Variants in DCDC1 observed in about 807,000 individuals in gnomAD.
DCDC1 encodes the protein doublecortin domain containing 1, also known as doublecortin domain-containing protein 1.
In DCDC1, 200 loss-of-function variants were observed where a neutral mutation model predicts 178.3. The observed-to-expected ratio is 1.12, with a 90% CI of 1.00 to 1.26. The LOEUF is 1.26. Among genes scored for constraint, DCDC1 ranks in the 50% most tolerant of loss-of-function variants. DCDC1 has a pLI of 0.00. For missense variants in DCDC1, 1,983 were observed against 1,749.2 expected, an observed-to-expected ratio of 1.13 and a Z score of -2.38; for synonymous variants, 690 against 604.8, an observed-to-expected ratio of 1.14 and a Z score of -2.07.
chr11:30,956,435 T>C (rs1948779477), intron 20 of DCDC1, among the ~76,000 whole-genome samples: 1 of 152,206 alleles, frequency 6.6e-6, no homozygotes, highest in African/African-American at 2.4e-5. Context: ...TTCACTATTT[T>C]GGAAAAATCA....
intron 35 of DCDC1, 145 bp downstream of exon 35, chr11:30,894,103 T>C: frequency 8.6e-7 from 1 of 1,156,522 alleles, no homozygotes; most frequent in Non-Finnish European, 1.1e-6. Context: ...AAATGCCAAC[T>C]CAATGCTTGG....
intron 20 of DCDC1, among the ~76,000 whole-genome samples, chr11:30,998,340 C>T (rs897514617): frequency 6.6e-6 from 1 of 151,856 alleles, no homozygotes; most frequent in Admixed American, 6.6e-5. Context: ...AAGTATGGTG[C>T]CTGTTGAAAA....
chr11:31,350,324 A>T, intron 1 of DCDC1, among the ~76,000 whole-genome samples: 1 of 152,072 alleles, frequency 6.6e-6, no homozygotes, highest in East Asian at 1.9e-4. Flanking sequence ...ATATCAAGGG[A>T]TCATCAGGGA....
intron 18 of DCDC1, among the ~76,000 whole-genome samples, chr11:31,070,347 A>C (rs1047524549): frequency 6.6e-6 from 1 of 152,056 alleles, no homozygotes; most frequent in Non-Finnish European, 1.5e-5. Flanking sequence ...CTTCAACTTC[A>C]CCAGTGCATC....
intron 9 of DCDC1, among the ~76,000 whole-genome samples, chr11:31,229,374 G>T (rs1975456878): frequency 6.6e-6 from 1 of 151,962 alleles, no homozygotes; most frequent in Non-Finnish European, 1.5e-5. Flanking sequence ...ATCAATTCAA[G>T]TAACATATAT....
chr11:31,281,473 T>C (rs1946426333), intron 7 of DCDC1, among the ~76,000 whole-genome samples: 1 of 152,126 alleles, frequency 6.6e-6, no homozygotes, highest in African/African-American at 2.4e-5. Context: ...TAAGTGAATA[T>C]TAAATTTTGT....
chr11:31,345,649 TA>T (rs893850300), intron 1 of DCDC1, among the ~76,000 whole-genome samples: 2 of 152,154 alleles, frequency 1.3e-5, no homozygotes, highest in African/African-American at 4.8e-5. Flanking sequence ...CTAATAATAC[TA>T]AAATTAAGAT....
In DCDC1 at chr11:30,893,502, C is replaced by T. The variant is rs569201038; in HGVS notation, c.4903-505G>A. 3.2e-4 allele frequency among the ~76,000 whole-genome samples: 48 copies of T among 152,278 alleles called. No homozygotes were observed. The South Asian group carries it at 9.7e-3, about 31-fold the overall frequency. On this transcript the variant is annotated intron_variant, in intron 35 of 38. Transcript: ENST00000684477. ...CCCTGCCAGGCAGCTTTTTATTCTA[C>T]TTCAAGCATGTCCTAGTTCAATGCT...
chr11:31,116,990 G>A (rs1031253255), intron 11 of DCDC1, among the ~76,000 whole-genome samples: 10 of 152,072 alleles, frequency 6.6e-5, no homozygotes, highest in African/African-American at 2.2e-4. Context: ...TGTAAAGTAG[G>A]TGGCTGCCTA....
intron 3 of DCDC1, among the ~76,000 whole-genome samples, chr11:31,327,358 T>C (rs1237702494): frequency 6.6e-6 from 1 of 151,926 alleles, no homozygotes; most frequent in Admixed American, 6.6e-5. Flanking sequence ...TCAGTAGAGA[T>C]GGGGTTTCAC....
At chr11:31,353,243 G>A (rs145446878) in intron 1 of DCDC1, among the ~76,000 whole-genome samples, 5 of 152,180 alleles carry the variant, frequency 3.3e-5, no homozygotes, top group East Asian at 3.9e-4. Context: ...CTAATACTTC[G>A]CAAAATTCTT....
At chr11:31,133,772 C>T (rs980685542) in intron 10 of DCDC1, among the ~76,000 whole-genome samples, 1 of 152,078 alleles carries the variant, frequency 6.6e-6, no homozygotes, top group Non-Finnish European at 1.5e-5. Flanking sequence ...GGCACGAACT[C>T]GGCTCACTGC....
intron 26 of DCDC1, among the ~76,000 whole-genome samples, chr11:30,916,258 A>T (rs1433757476): frequency 6.6e-6 from 1 of 152,220 alleles, no homozygotes; most frequent in East Asian, 1.9e-4. Context: ...CAGAAGTAAC[A>T]TATTACATAT....
intron 20 of DCDC1, among the ~76,000 whole-genome samples, chr11:31,060,221 T>C (rs186164981): frequency 7.2e-5 from 11 of 152,176 alleles, no homozygotes; most frequent in Admixed American, 6.5e-4. Context: ...CAATTGTAGC[T>C]GGACATAATT....
At chr11:31,024,640 C>G (rs975872478) in intron 20 of DCDC1, among the ~76,000 whole-genome samples, 1 of 151,880 alleles carries the variant, frequency 6.6e-6, no homozygotes, top group Non-Finnish European at 1.5e-5. Context: ...GAGGCAGCCA[C>G]TCCAACAGTG....
intron 20 of DCDC1, among the ~76,000 whole-genome samples, chr11:30,983,241 C>T (rs1391328123): frequency 6.6e-6 from 1 of 152,138 alleles, no homozygotes; most frequent in Non-Finnish European, 1.5e-5. Flanking sequence ...AGCAACATTT[C>T]CCCAATGAAC....
chr11:31,219,308 A>G (rs1294474898), intron 9 of DCDC1, among the ~76,000 whole-genome samples: 1 of 152,194 alleles, frequency 6.6e-6, no homozygotes, highest in Admixed American at 6.5e-5. Context: ...ACTGATCTCA[A>G]AAATTTCATT....
chr11:31,347,080 G>A (rs1290977835), intron 1 of DCDC1, among the ~76,000 whole-genome samples: 1 of 152,114 alleles, frequency 6.6e-6, no homozygotes, highest in Non-Finnish European at 1.5e-5. Flanking sequence ...GAGTACATGA[G>A]CAAAAATATT....
At position 31,068,740 on chromosome 11, in the gene DCDC1, A is replaced by T. The variant is rs556894789; in HGVS notation, c.2299-3587T>A. On this transcript the variant is annotated intron_variant, in intron 18 of 38. Coordinates refer to ENST00000684477, the MANE Select transcript of DCDC1 (RefSeq NM_001387274.1). Reference sequence around the variant, plus strand: ...TATTTAAATGAGAATCATTTTATACATGCAAATATATGCATAATAATTTTT... The same window carrying T: ...TATTTAAATGAGAATCATTTTATACTTGCAAATATATGCATAATAATTTTT... 3.0e-4 allele frequency among the ~76,000 whole-genome samples: 46 copies of T among 152,316 alleles called. No homozygotes were observed. In the South Asian group the frequency reaches 9.1e-3, roughly 30 times the overall value.
Sources: allele counts gnomAD v4.1 joint callset (sites outside exome capture counted in the v4.1 genomes callset), GRCh38; gene constraint gnomAD v4.1.1; transcripts MANE v1.5; gene names NCBI Gene and HGNC (gene_info 2026-07-23, HGNC 2026-07-21).